Variants in RERE observed in about 807,000 individuals in gnomAD.
RERE encodes the protein arginine-glutamic acid dipeptide repeats.
RERE carries 40 observed loss-of-function variants against 146.1 expected under a neutral mutation model. The ratio of observed to expected loss-of-function variants is 0.27; its 90% CI spans 0.21 to 0.36. RERE has a LOEUF of 0.36. RERE is among the 10% of genes least tolerant of loss of function. The pLI, the probability that RERE is intolerant of heterozygous loss-of-function variation, is 1.00. For synonymous variants in RERE, 1,003 were observed against 866.0 expected (o/e 1.16, Z -2.78); for missense variants, 1,933 against 2,138.7 (o/e 0.90, Z 1.90).
intron 4 of RERE, among the ~76,000 whole-genome samples, chr1:8,607,530 A>ATAT (rs1646732034): frequency 1.7e-5 from 1 of 57,582 alleles, no homozygotes; most frequent in African/African-American, 6.8e-5. Flanking sequence ...TTTTATATAT[A>ATAT]TTTCTTTTTT....
chr1:8,386,075 A>C (rs1233275351), intron 12 of RERE, among the ~76,000 whole-genome samples: 1 of 128,334 alleles, frequency 7.8e-6, no homozygotes, highest in African/African-American at 2.9e-5. Context: ...CAAAAGAACC[A>C]CAAAGGAGCA....
chr1:8,360,584 G>A lies in RERE; in HGVS notation c.2923C>T (p.Leu975=), dbSNP rs766335898. Residue 975 remains leucine (L), a synonymous_variant, in exon 18 of 23, where the codon CTG becomes TTG. Transcript: ENST00000400908. ...PPPALKPLSS[L]STHHPPSAHP... is the part of the protein sequence containing the mutation. Reference sequence around the variant, plus strand: ...GCCGACGGGGGGTGATGTGTGGACAGGGAGCTCAGGGGCTTCAGGGCTGGA... The same window carrying A: ...GCCGACGGGGGGTGATGTGTGGACAAGGAGCTCAGGGGCTTCAGGGCTGGA... The A allele has an allele frequency of 1.0e-5, 15 of 1,487,032 alleles. No homozygotes were observed. In the Admixed American group the frequency reaches 2.1e-4, roughly 21 times the overall value. 92.1% of individuals were successfully genotyped at this position (1,487,032 alleles called of 1,614,324 possible).
intron 17 of RERE, 104 bp from the exon 18 acceptor site, chr1:8,361,594 G>A (rs759465814): frequency 1.3e-6 from 2 of 1,485,682 alleles, no homozygotes; most frequent in South Asian, 1.1e-5. Flanking sequence ...AGATGAAGCA[G>A]CAAGCTTGGC....
chr1:8,694,171 AAAG>A (rs1356554078), intron 1 of RERE, among the ~76,000 whole-genome samples: 5 of 152,184 alleles, frequency 3.3e-5, no homozygotes, highest in African/African-American at 4.8e-5. Context: ...CCAAACAGGA[AAAG>A]AAGAAGTCAA....
At chr1:8,401,047 A>C (rs1334438186) in intron 12 of RERE, among the ~76,000 whole-genome samples, 2 of 56,996 alleles carry the variant, frequency 3.5e-5, no homozygotes, top group Non-Finnish European at 7.6e-5. Context: ...CCATATATAT[A>C]TATATATATA....
At chr1:8,773,242 A>G (rs1030492515) in intron 1 of RERE, among the ~76,000 whole-genome samples, 3 of 152,226 alleles carry the variant, frequency 2.0e-5, no homozygotes, top group Non-Finnish European at 4.4e-5. Flanking sequence ...TTGTCATCTT[A>G]ACTTAAAGAT....
At chr1:8,791,510 A>G (rs75810982) in intron 1 of RERE, among the ~76,000 whole-genome samples, 2 of 152,194 alleles carry the variant, frequency 1.3e-5, no homozygotes, top group East Asian at 3.8e-4. Context: ...CCAAAATATC[A>G]CTCAGATAAT....
intron 1 of RERE, among the ~76,000 whole-genome samples, chr1:8,812,078 A>G (rs1189779794): frequency 1.3e-5 from 2 of 152,116 alleles, no homozygotes; most frequent in East Asian, 1.9e-4. Context: ...CTTTTCCCCA[A>G]CTTGAGATGA....
chr1:8,499,656 T>G (rs1645102546), intron 8 of RERE, among the ~76,000 whole-genome samples: 1 of 152,216 alleles, frequency 6.6e-6, no homozygotes, highest in Non-Finnish European at 1.5e-5. Context: ...AGGCTAGCCA[T>G]CAGCACCCAC....
At chr1:8,448,086 G>A (rs1219935354) in intron 11 of RERE, among the ~76,000 whole-genome samples, 1 of 152,136 alleles carries the variant, frequency 6.6e-6, no homozygotes, top group Non-Finnish European at 1.5e-5. Flanking sequence ...GGGCATCCAA[G>A]TCCACCACTG....
rs892633723 is a variant in RERE, at chr1:8,540,343, G to A, written c.830+871C>T. ...TGGTCTCAAACTCCTGGGCTCAAGC[G>A]CTCAAGCAATCCTCCCACTGTGGCC... On this transcript the variant is annotated intron_variant, in intron 7 of 22. Transcript: ENST00000400908. Among the ~76,000 whole-genome samples, 63 of 152,050 alleles carry A rather than the reference G, an allele frequency of 4.1e-4. 1 individual carries two copies. Among genetic ancestry groups the A allele is most frequent in the Admixed American group, 3.7e-3 (57 of 15,266 alleles).
rs910160011 is a variant in RERE, at chr1:8,686,520, C to T, written c.-144-30079G>A. On this transcript the variant is annotated intron_variant, in intron 1 of 22. Coordinates refer to ENST00000400908, the MANE Select transcript of RERE (RefSeq NM_001042681.2). ...ATCCCAGCACTTTGGGAGGCCAAGG[C>T]GGGTGGATCACCTGAGGTCAGGAGT... 5.3e-5 allele frequency among the ~76,000 whole-genome samples: 8 copies of T among 152,126 alleles called. No homozygotes were observed. The East Asian group carries it at 5.8e-4, about 11-fold the overall frequency.
chr1:8,481,922 T>C (rs866085405), intron 10 of RERE, among the ~76,000 whole-genome samples: 16 of 152,324 alleles, frequency 1.1e-4, no homozygotes, highest in Middle Eastern at 3.4e-3. Context: ...GGTCACCTTA[T>C]GTTGGTCAGA....
intron 6 of RERE, among the ~76,000 whole-genome samples, chr1:8,544,627 T>C (rs1645836896): frequency 6.6e-6 from 1 of 152,036 alleles, no homozygotes; most frequent in Non-Finnish European, 1.5e-5. Context: ...GGGTGGGAAG[T>C]TTTTAGAGGG....
At chr1:8,539,607 C>T (rs561837844) in intron 7 of RERE, among the ~76,000 whole-genome samples, 10 of 152,144 alleles carry the variant, frequency 6.6e-5, no homozygotes, top group African/African-American at 1.7e-4. Context: ...GGTTTCACCA[C>T]GTTGGCCAGG....
intron 1 of RERE, among the ~76,000 whole-genome samples, chr1:8,759,836 TATAC>T (rs1640715952): frequency 7.9e-6 from 1 of 126,120 alleles, no homozygotes; most frequent in African/African-American, 3.4e-5. Flanking sequence ...TTACTCTCTC[TATAC>T]ACACACACAC....
At chr1:8,396,263 A>T (rs1336556185) in intron 12 of RERE, among the ~76,000 whole-genome samples, 1 of 152,198 alleles carries the variant, frequency 6.6e-6, no homozygotes, top group Non-Finnish European at 1.5e-5. Flanking sequence ...CTAGAGCTGA[A>T]TTCAATGTGG....
chr1:8,617,715 A>C (rs7544052), intron 3 of RERE, among the ~76,000 whole-genome samples: 2 of 151,144 alleles, frequency 1.3e-5, no homozygotes, highest in Non-Finnish European at 1.5e-5. Context: ...TTCATAACAC[A>C]TGGCCTTTTC....
chr1:8,617,980 T>A (rs1464996020), intron 3 of RERE, among the ~76,000 whole-genome samples: 1 of 152,244 alleles, frequency 6.6e-6, no homozygotes, highest in East Asian at 1.9e-4. Flanking sequence ...TTTAAGAGAA[T>A]GTTAATTTGT....
Sources: allele counts gnomAD v4.1 joint callset (sites outside exome capture counted in the v4.1 genomes callset), GRCh38; gene constraint gnomAD v4.1.1; transcripts MANE v1.5; gene names NCBI Gene and HGNC (gene_info 2026-07-23, HGNC 2026-07-21).